Variants in APLF observed in about 807,000 individuals in gnomAD.
The protein encoded by APLF is aprataxin and PNK-like factor.
APLF carries 61 observed loss-of-function variants against 55.6 expected under a neutral mutation model. The ratio of observed to expected loss-of-function variants is 1.10; its 90% CI spans 0.89 to 1.36. The LOEUF (loss-of-function observed/expected upper bound fraction) is 1.36. APLF is among the 40% of genes most tolerant of loss of function. The probability of loss-of-function intolerance (pLI) is 0.00; values close to 1 mark genes in which losing one functional copy is unlikely to be tolerated. For synonymous variants in APLF, 207 were observed against 214.8 expected (o/e 0.96, Z 0.32); for missense variants, 611 against 602.5 (o/e 1.01, Z -0.15).
At chr2:68,542,936 A>G (rs1670597751) in intron 7 of APLF, among the ~76,000 whole-genome samples, 1 of 152,220 alleles carries the variant, frequency 6.6e-6, no homozygotes, top group Non-Finnish European at 1.5e-5. Flanking sequence ...AATTTGGTAT[A>G]TACATATGAT....
intron 6 of APLF, among the ~76,000 whole-genome samples, chr2:68,533,071 T>C (rs72901961): frequency 0.011 from 1,615 of 151,970 alleles, 21 homozygotes; most frequent in African/African-American, 0.037. Context: ...AAAAAAAAGG[T>C]CGGGGGCTTG....
At chr2:68,474,447 C>CA (rs1675712499) in intron 1 of APLF, among the ~76,000 whole-genome samples, 1 of 152,132 alleles carries the variant, frequency 6.6e-6, no homozygotes, top group Non-Finnish European at 1.5e-5. Context: ...CATTAGCATA[C>CA]AAAAAGACAT....
intron 6 of APLF, among the ~76,000 whole-genome samples, chr2:68,527,392 T>A (rs1459160137): frequency 1.5e-5 from 2 of 135,332 alleles, no homozygotes; most frequent in Non-Finnish European, 3.1e-5. Flanking sequence ...TGGGCAAAGG[T>A]GCTCCTCACT....
At chr2:68,555,055 G>T (rs1417105837) in intron 8 of APLF, among the ~76,000 whole-genome samples, 1 of 152,174 alleles carries the variant, frequency 6.6e-6, no homozygotes, top group East Asian at 1.9e-4. Flanking sequence ...TTTATAAAGT[G>T]GGGAAAGGAT....
chr2:68,559,993 A>G lies in APLF; in HGVS notation c.1287-7348A>G, dbSNP rs149759714. 4.5e-3 allele frequency among the ~76,000 whole-genome samples: 685 copies of G among 152,114 alleles called. 33 individuals are homozygous for G. The South Asian group carries it at 0.082, about 18-fold the overall frequency. ...TCATTATGTTTTTGTGTTTTACCCA[A>G]TATCCTAGCTTGTTTTCACATCAGG... On this transcript the variant is annotated intron_variant, in intron 8 of 9. Transcript: ENST00000303795.
chr2:68,506,778 G>A (rs1023028150), intron 3 of APLF, among the ~76,000 whole-genome samples: 12 of 151,848 alleles, frequency 7.9e-5, no homozygotes, highest in African/African-American at 2.2e-4. Flanking sequence ...CCTGCAGAAA[G>A]GCTAAATAAA....
chr2:68,512,942 A>T, intron 3 of APLF, 138 bp from the exon 4 acceptor site: 1 of 615,450 alleles, frequency 1.6e-6, no homozygotes. Context: ...ATTCTAGTCT[A>T]TATATTCTAG....
chr2:68,481,870 T>C (rs1409648604), intron 1 of APLF, among the ~76,000 whole-genome samples: 1 of 152,044 alleles, frequency 6.6e-6, no homozygotes, highest in East Asian at 1.9e-4. Flanking sequence ...CTGCTTGATA[T>C]AGTCTGGTGA....
intron 9 of APLF, among the ~76,000 whole-genome samples, chr2:68,573,542 G>A (rs925539046): frequency 1.3e-5 from 2 of 151,822 alleles, no homozygotes; most frequent in African/African-American, 4.8e-5. Context: ...GCGTGGTGGC[G>A]GGGGCCTGTA....
chr2:68,554,139 C>G (rs1013712087), intron 8 of APLF, among the ~76,000 whole-genome samples: 1 of 151,800 alleles, frequency 6.6e-6, no homozygotes, highest in Non-Finnish European at 1.5e-5. Flanking sequence ...AAAAACTGTA[C>G]GTATATGGGT....
chr2:68,571,666 A>C (rs1370399211), intron 9 of APLF, among the ~76,000 whole-genome samples: 1 of 152,158 alleles, frequency 6.6e-6, no homozygotes, highest in Non-Finnish European at 1.5e-5. Flanking sequence ...CTGTTTTGGT[A>C]CCAGTACCAT....
At chr2:68,560,198 T>C (rs1671131972) in intron 8 of APLF, among the ~76,000 whole-genome samples, 1 of 152,098 alleles carries the variant, frequency 6.6e-6, no homozygotes, top group Admixed American at 6.6e-5. Context: ...AAATTATAAA[T>C]ATATATTTGT....
In APLF at chr2:68,528,069, A is replaced by G. The variant is rs1386817388; in HGVS notation, c.804+1827A>G. Among the ~76,000 whole-genome samples the G allele has an allele frequency of 1.9e-3, 221 of 115,998 alleles. No homozygotes were observed. In the Middle Eastern group the frequency reaches 0.024, roughly 13 times the overall value. 76.1% of individuals were successfully genotyped at this position (115,998 alleles called of 152,430 possible). A position where few individuals can be genotyped will look rare whatever the true frequency, so the allele number is the denominator to read the frequency against. On this transcript the variant is annotated intron_variant, in intron 6 of 9. Transcript: ENST00000303795. ...CACTGCCCAGACAGTGCGGTGGCCA[A>G]GCAGAGGCGCTCCTCACTTCCCAGA...
intron 1 of APLF, among the ~76,000 whole-genome samples, chr2:68,469,010 GTGTGTGTGTGT>G (rs1325387930): frequency 1.5e-4 from 22 of 147,800 alleles, no homozygotes; most frequent in African/African-American, 5.1e-4. Context: ...GTGTGTGTGT[GTGTGTGTGTGT>G]TGTGTGTTGT....
chr2:68,536,741 C>A (rs925355070), intron 6 of APLF, among the ~76,000 whole-genome samples: 2 of 152,264 alleles, frequency 1.3e-5, no homozygotes, highest in East Asian at 1.9e-4. Context: ...GGAATCCTAT[C>A]TTTTTCCAAG....
chr2:68,569,565 C>G (rs545570580), intron 9 of APLF, among the ~76,000 whole-genome samples: 1 of 152,222 alleles, frequency 6.6e-6, no homozygotes, highest in East Asian at 1.9e-4. Flanking sequence ...TATGGAAGCT[C>G]TCAACAGCCA....
chr2:68,542,003 A>G (rs1670566358), intron 7 of APLF, among the ~76,000 whole-genome samples: 1 of 152,194 alleles, frequency 6.6e-6, no homozygotes, highest in African/African-American at 2.4e-5. Context: ...ATGGTTAAAT[A>G]ATTTTCAACA....
At chr2:68,472,450 GA>G (rs1675648516) in intron 1 of APLF, among the ~76,000 whole-genome samples, 1 of 151,758 alleles carries the variant, frequency 6.6e-6, no homozygotes, top group Non-Finnish European at 1.5e-5. Flanking sequence ...CTCATCTGAT[GA>G]GAATTTATGG....
At chr2:68,567,115 G>A (rs769198332) in intron 8 of APLF, among the ~76,000 whole-genome samples, 3 of 151,996 alleles carry the variant, frequency 2.0e-5, no homozygotes, top group Non-Finnish European at 4.4e-5. Flanking sequence ...AGTTCTTGAG[G>A]TAAGAACTTT....
Sources: allele counts gnomAD v4.1 joint callset (sites outside exome capture counted in the v4.1 genomes callset), GRCh38; gene constraint gnomAD v4.1.1; transcripts MANE v1.5; gene names NCBI Gene and HGNC (gene_info 2026-07-23, HGNC 2026-07-21).